Variants in COL1A2 observed in about 807,000 individuals in gnomAD.
COL1A2 encodes the protein collagen type I alpha 2 chain, also known as collagen alpha-2(I) chain.
Under a neutral mutation model 174.3 loss-of-function variants are expected in COL1A2, and 49 were observed. That is an observed-to-expected ratio of 0.28 (90% CI 0.22 to 0.36). The LOEUF is 0.36. Ranked by LOEUF, COL1A2 falls within the 10% of genes least tolerant of loss-of-function variation. The pLI is 1.00. For missense variants in COL1A2, 1,438 were observed against 1,822.7 expected (o/e 0.79, Z 3.84); for synonymous variants, 655 against 606.6 (o/e 1.08, Z -1.17).
intron 41 of COL1A2, 88 bp downstream of exon 41, chr7:94,424,531 T>C: frequency 8.6e-7 from 1 of 1,164,392 alleles, no homozygotes; most frequent in Admixed American, 1.8e-5. Context: ...GATCACTGAA[T>C]AACTTCACTT....
chr7:94,421,424 A>G (rs1792159942), intron 38 of COL1A2: 1 of 393,746 alleles, frequency 2.5e-6, no homozygotes, highest in Non-Finnish European at 4.7e-6. Context: ...GAGCTCCCCA[A>G]AAATGAACTT....
intron 23 of COL1A2, 70 bp downstream of exon 23, chr7:94,411,224 T>C (rs1163660615): frequency 2.6e-5 from 31 of 1,214,490 alleles, no homozygotes; most frequent in Non-Finnish European, 3.4e-5. Flanking sequence ...TTGGTTAATA[T>C]TGAAGATAAC....
At chr7:94,429,608 G>T (rs1425614832) in intron 51 of COL1A2, 178 bp downstream of exon 51, 1 of 607,736 alleles carries the variant, frequency 1.6e-6, no homozygotes, top group South Asian at 2.3e-5. Context: ...TTATTTATAC[G>T]TATTAATTTC....
At chr7:94,406,127 T>G in intron 11 of COL1A2, 123 bp from the exon 12 acceptor site, 1 of 988,332 alleles carries the variant, frequency 1.0e-6, no homozygotes, top group Admixed American at 1.9e-5. Flanking sequence ...AACACTGGAC[T>G]TCTTTCTACT....
At chr7:94,410,561 C>G in intron 21 of COL1A2, 34 bp downstream of exon 21, 1 of 1,495,922 alleles carries the variant, frequency 6.7e-7, no homozygotes, top group Non-Finnish European at 9.1e-7. Context: ...CCCTAACACA[C>G]CAGAGGCAGA....
At chr7:94,427,336 C>G (rs775310817) in intron 48 of COL1A2, 41 bp downstream of exon 48, 2 of 1,533,568 alleles carry the variant, frequency 1.3e-6, no homozygotes, top group Non-Finnish European at 8.9e-7. Flanking sequence ...GATCACGGAC[C>G]TAAGGAATGT....
chr7:94,422,463 C>T (rs139607262), intron 39 of COL1A2: 287 of 160,942 alleles, frequency 1.8e-3, no homozygotes, highest in African/African-American at 6.6e-3. Flanking sequence ...AATCCTTTTA[C>T]AGGTTCATAA....
chr7:94,423,238 CA>C (rs1465616240), intron 40 of COL1A2, 120 bp downstream of exon 40: 7 of 1,202,292 alleles, frequency 5.8e-6, no homozygotes, highest in Non-Finnish European at 8.5e-6. Flanking sequence ...AAGTAGAGCT[CA>C]GTTGAGCCAG....
chr7:94,406,502 T>C (rs1791799749), intron 12 of COL1A2, among the ~76,000 whole-genome samples, 199 bp downstream of exon 12: 1 of 152,184 alleles, frequency 6.6e-6, no homozygotes, highest in Admixed American at 6.5e-5. Context: ...TTTATTAAAA[T>C]TCAATATCTA....
chr7:94,414,386 A>T, intron 29 of COL1A2, 111 bp downstream of exon 29: 2 of 988,692 alleles, frequency 2.0e-6, no homozygotes, highest in Non-Finnish European at 1.6e-6. Flanking sequence ...TTCGTATTTC[A>T]TATGTTAATG....
rs777448399 is a variant in COL1A2 at position 94,430,524 on chromosome 7, G to T, written c.*131G>T. On this transcript the variant is annotated 3_prime_UTR_variant, in exon 52 of 52. Transcript: ENST00000297268. ...GCACATCTACTTGCTTAAATTGTGGGCAAAAGAGAAAAAGAAGGATTGATC... is the reference window on the plus strand; with the variant it reads ...GCACATCTACTTGCTTAAATTGTGGTCAAAAGAGAAAAAGAAGGATTGATC... 119 of 954,626 alleles carry T rather than the reference G, an allele frequency of 1.2e-4. No homozygotes were observed. Among genetic ancestry groups the T allele is most frequent in the Non-Finnish European group, 1.8e-4 (114 of 634,032 alleles). 59.1% of individuals were successfully genotyped at this position (954,626 alleles called of 1,614,324 possible). A position where few individuals can be genotyped will look rare whatever the true frequency, so the allele number is the denominator to read the frequency against.
chr7:94,428,020 G>A (rs1395007293), intron 49 of COL1A2, 135 bp downstream of exon 49: 2 of 1,051,656 alleles, frequency 1.9e-6, no homozygotes, highest in African/African-American at 3.1e-5. Flanking sequence ...AATTAATGGA[G>A]CGTCATCTTC....
chr7:94,416,849 T>A (rs1792052905), intron 31 of COL1A2: 1 of 216,278 alleles, frequency 4.6e-6, no homozygotes, highest in Non-Finnish European at 9.4e-6. Flanking sequence ...TATCTTAACA[T>A]CTCATCCCAT....
At chr7:94,400,073 A>G in intron 4 of COL1A2, 123 bp from the exon 5 acceptor site, 1 of 856,260 alleles carries the variant, frequency 1.2e-6, no homozygotes, top group Middle Eastern at 2.4e-4. Context: ...TGACAAATAT[A>G]GTATATTAAA....
At chr7:94,395,146 A>G in intron 1 of COL1A2, 45 bp downstream of exon 1, 1 of 1,528,314 alleles carries the variant, frequency 6.5e-7, no homozygotes, top group Admixed American at 1.7e-5. Context: ...TAGAGAGGTT[A>G]GATGGGAGGG....
chr7:94,425,375 A>C, intron 42 of COL1A2, 151 bp downstream of exon 42: 3 of 869,010 alleles, frequency 3.5e-6, no homozygotes, highest in Non-Finnish European at 5.5e-6. Context: ...AAAATATGAA[A>C]ATTGCTTAGG....
intron 45 of COL1A2, 35 bp from the exon 46 acceptor site, chr7:94,426,388 C>G (rs763028282): frequency 6.5e-7 from 1 of 1,534,760 alleles, no homozygotes; most frequent in African/African-American, 1.4e-5. Flanking sequence ...TTTTTTAAAA[C>G]GGTAAGTCTT....
rs956365704 is a variant in COL1A2, at chr7:94,418,505, C to T, written c.1978C>T (p.Pro660Ser). 6.2e-7 allele frequency: 1 copy of T among 1,613,826 alleles called. No homozygotes were observed. The highest frequency in any genetic ancestry group is 1.3e-5 in the African/African-American group (1 of 74,996). ...TCTTGCTTTATACTTTCAGGGTGAA[C>T]CTGGTCTCAGAGGTGAAATTGGTAA... Reference protein sequence around the residue: ...IPGGKGEKGEPGLRGEIGNPG... With the variant: ...IPGGKGEKGESGLRGEIGNPG... Residue 660 changes from proline (P) to serine (S), a missense_variant, in exon 33 of 52, where the codon CCT (proline) becomes TCT (serine). Transcript: ENST00000297268.
chr7:94,407,360 C>CTACTACTAG (rs1318996439), intron 12 of COL1A2, among the ~76,000 whole-genome samples: 1 of 151,910 alleles, frequency 6.6e-6, no homozygotes, highest in Non-Finnish European at 1.5e-5. Context: ...ACTACTACTA[C>CTACTACTAG]TACCCTGGTT....
Sources: allele counts gnomAD v4.1 joint callset (sites outside exome capture counted in the v4.1 genomes callset), GRCh38; gene constraint gnomAD v4.1.1; transcripts MANE v1.5; gene names NCBI Gene and HGNC (gene_info 2026-07-23, HGNC 2026-07-21).